Variants in LHFPL3 observed in about 807,000 individuals in gnomAD.
LHFPL3 encodes LHFPL tetraspan subfamily member 3.
LHFPL3 carries 5 observed loss-of-function variants against 19.3 expected under a neutral mutation model. The observed-to-expected ratio is 0.26, with a 90% CI of 0.14 to 0.54. The LOEUF is 0.54. Ranked by LOEUF, LHFPL3 falls within the 20% of genes least tolerant of loss-of-function variation. LHFPL3 has a pLI of 0.94. For synonymous variants in LHFPL3, 133 were observed against 126.2 expected (o/e 1.05, Z -0.36); for missense variants, 249 against 307.4 (o/e 0.81, Z 1.42).
chr7:104,553,712 T>A (rs147356968), intron 1 of LHFPL3, among the ~76,000 whole-genome samples: 11 of 152,334 alleles, frequency 7.2e-5, no homozygotes, highest in African/African-American at 2.6e-4. Context: ...AACCACAGAA[T>A]ATTGAGATCA....
At chr7:104,480,647 T>A (rs1380973097) in intron 1 of LHFPL3, among the ~76,000 whole-genome samples, 1 of 152,146 alleles carries the variant, frequency 6.6e-6, no homozygotes, top group Non-Finnish European at 1.5e-5. Flanking sequence ...CATTAGAAAG[T>A]TAAGTGTCTG....
chr7:104,762,522 C>T (rs932458921), intron 2 of LHFPL3, among the ~76,000 whole-genome samples: 1 of 152,036 alleles, frequency 6.6e-6, no homozygotes, highest in Non-Finnish European at 1.5e-5. Context: ...CTGGCAAGGA[C>T]AAGATGGTGG....
intron 2 of LHFPL3, among the ~76,000 whole-genome samples, chr7:104,855,564 A>C (rs1273251681): frequency 6.6e-6 from 1 of 152,202 alleles, no homozygotes; most frequent in Non-Finnish European, 1.5e-5. Flanking sequence ...TTAACAATCC[A>C]AAAGAATACC....
At chr7:104,363,115 G>A (rs1270622853) in intron 1 of LHFPL3, among the ~76,000 whole-genome samples, 9 of 152,340 alleles carry the variant, frequency 5.9e-5, no homozygotes, top group Non-Finnish European at 1.3e-4. Flanking sequence ...TTCTCCTCAA[G>A]GGAGAAGGGA....
rs1043185893 is a variant in LHFPL3 at position 104,496,108 on chromosome 7, A to G, written c.445+166884A>G. On this transcript the variant is annotated intron_variant, in intron 1 of 2. Transcript: ENST00000424859. ...AGCATTAGTTATATCTCCTAATGCT[A>G]TCCCTCCTCCTTCCCCCCACCCCAC... 5.9e-5 allele frequency among the ~76,000 whole-genome samples: 9 copies of G among 152,224 alleles called. No individual in the cohort carries two copies. The East Asian group carries it at 7.7e-4, about 13-fold the overall frequency.
intron 2 of LHFPL3, among the ~76,000 whole-genome samples, chr7:104,849,144 T>C (rs941759093): frequency 4.6e-5 from 7 of 152,186 alleles, no homozygotes; most frequent in African/African-American, 1.4e-4. Flanking sequence ...TTGCCCAGGC[T>C]GGTCTTGAAC....
intron 1 of LHFPL3, among the ~76,000 whole-genome samples, chr7:104,495,728 G>A (rs1450588262): frequency 2.0e-5 from 3 of 152,042 alleles, no homozygotes; most frequent in Non-Finnish European, 4.4e-5. Context: ...TCATTATGTT[G>A]CCCAGGCTGG....
At chr7:104,878,731 C>G (rs749276244) in intron 2 of LHFPL3, among the ~76,000 whole-genome samples, 53 of 152,268 alleles carry the variant, frequency 3.5e-4, no homozygotes, top group Middle Eastern at 3.4e-3. Context: ...ATGCCGAAAG[C>G]TGAGACAGGA....
At chr7:104,671,634 A>G (rs1792485698) in intron 1 of LHFPL3, among the ~76,000 whole-genome samples, 1 of 152,002 alleles carries the variant, frequency 6.6e-6, no homozygotes, top group Admixed American at 6.6e-5. Flanking sequence ...ATAAGATCAT[A>G]TAGTGATATC....
chr7:104,398,250 C>A (rs1791234194), intron 1 of LHFPL3, among the ~76,000 whole-genome samples: 1 of 152,180 alleles, frequency 6.6e-6, no homozygotes. Context: ...ACACTTAGAT[C>A]CCAGGGTAAG....
chr7:104,613,628 C>T (rs1017104506), intron 1 of LHFPL3, among the ~76,000 whole-genome samples: 4 of 152,160 alleles, frequency 2.6e-5, no homozygotes, highest in Non-Finnish European at 5.9e-5. Flanking sequence ...CACCCCTAAT[C>T]AGCACTTGCC....
chr7:104,595,653 A>G (rs966898612), intron 1 of LHFPL3, among the ~76,000 whole-genome samples: 5 of 152,246 alleles, frequency 3.3e-5, no homozygotes, highest in Admixed American at 1.3e-4. Flanking sequence ...TTGTTCCGCT[A>G]TGCCCTACCC....
At position 104,755,572 on chromosome 7, in the gene LHFPL3, C is replaced by T. The variant is rs746214827; in HGVS notation, c.682+18661C>T. ...CTGTCTCTCTTTCTCTCCCCCAACC[C>T]CCAACACCACCACACACACACACAC... On this transcript the variant is annotated intron_variant, in intron 2 of 2. Coordinates refer to ENST00000424859, the MANE Select transcript of LHFPL3 (RefSeq NM_199000.3). 1.6e-3 allele frequency among the ~76,000 whole-genome samples: 220 copies of T among 139,380 alleles called. 1 individual carries two copies. Among genetic ancestry groups the T allele is most frequent in the Admixed American group, 3.4e-3 (44 of 12,876 alleles). 91.4% of individuals were successfully genotyped at this position (139,380 alleles called of 152,430 possible). A position where few individuals can be genotyped will look rare whatever the true frequency, so the allele number is the denominator to read the frequency against.
intron 1 of LHFPL3, among the ~76,000 whole-genome samples, chr7:104,336,178 G>C (rs1789807453): frequency 6.6e-6 from 1 of 152,128 alleles, no homozygotes; most frequent in African/African-American, 2.4e-5. Flanking sequence ...AGACCAAGGA[G>C]CTGACCTTTA....
chr7:104,738,835 T>C (rs1282071827), intron 2 of LHFPL3: 1 of 152,166 alleles, frequency 6.6e-6, no homozygotes, highest in Non-Finnish European at 1.5e-5. Context: ...CAGTGATATA[T>C]TAAACCACCT....
intron 1 of LHFPL3, among the ~76,000 whole-genome samples, chr7:104,395,612 A>G (rs1236675824): frequency 4.6e-5 from 7 of 152,212 alleles, no homozygotes; most frequent in Admixed American, 1.3e-4. Context: ...GAGAGGTAGG[A>G]GTAATTGTGC....
chr7:104,529,213 C>A (rs1022049530), intron 1 of LHFPL3, among the ~76,000 whole-genome samples: 1 of 152,134 alleles, frequency 6.6e-6, no homozygotes, highest in Non-Finnish European at 1.5e-5. Flanking sequence ...ATTGGCCAGA[C>A]CTTAGTAACA....
At chr7:104,406,801 T>A (rs1791424452) in intron 1 of LHFPL3, among the ~76,000 whole-genome samples, 2 of 152,172 alleles carry the variant, frequency 1.3e-5, no homozygotes, top group African/African-American at 4.8e-5. Flanking sequence ...CTCAAACCAG[T>A]GGGATTCAAA....
At chr7:104,639,897 T>C (rs1791798206) in intron 1 of LHFPL3, among the ~76,000 whole-genome samples, 1 of 152,206 alleles carries the variant, frequency 6.6e-6, no homozygotes, top group Admixed American at 6.5e-5. Context: ...CCTTAATTAT[T>C]CTATGATCTT....
Sources: allele counts gnomAD v4.1 joint callset (sites outside exome capture counted in the v4.1 genomes callset), GRCh38; gene constraint gnomAD v4.1.1; transcripts MANE v1.5; gene names NCBI Gene and HGNC (gene_info 2026-07-23, HGNC 2026-07-21).